The following LRRC69 variants were observed in gnomAD, a reference collection of about 807,000 sequenced individuals.
LRRC69 encodes leucine-rich repeat-containing protein 69.
Under a neutral mutation model 37.8 loss-of-function variants are expected in LRRC69, and 42 were observed. The ratio of observed to expected loss-of-function variants is 1.11; its 90% CI spans 0.87 to 1.44. The LOEUF is 1.44. Ranked by LOEUF, LRRC69 falls within the 40% of genes most tolerant of loss-of-function variation. The probability of loss-of-function intolerance (pLI) is 0.00; values close to 1 mark genes in which losing one functional copy is unlikely to be tolerated. For missense variants in LRRC69, 357 were observed against 401.9 expected (o/e 0.89, Z 0.96); for synonymous variants, 141 against 143.1 (o/e 0.99, Z 0.11).
chr8:91,174,921 A>G lies in LRRC69; in HGVS notation c.652-14601A>G, dbSNP rs1056180259. Among the ~76,000 whole-genome samples the G allele has an allele frequency of 3.9e-5, 6 of 152,266 alleles. No individual in the cohort carries two copies. In the East Asian group the frequency reaches 1.2e-3, roughly 29 times the overall value. On this transcript the variant is annotated intron_variant, in intron 5 of 7. Transcript: ENST00000448384. ...TGAAAAGACTGTTTTTAAGGAATAA[A>G]TGACTAAGGATTGGGAGTCTTAGAT...
intron 6 of LRRC69, among the ~76,000 whole-genome samples, chr8:91,195,734 G>T (rs1485587649): frequency 6.6e-6 from 1 of 152,074 alleles, no homozygotes; most frequent in Non-Finnish European, 1.5e-5. Context: ...GAGCCTATGT[G>T]TGTCTCTGCA....
chr8:91,153,903 C>CA (rs1032088841), intron 5 of LRRC69, among the ~76,000 whole-genome samples: 12 of 150,622 alleles, frequency 8.0e-5, no homozygotes, highest in East Asian at 1.9e-4. Context: ...AAAAATCCTT[C>CA]AAAAAAAATC....
intron 5 of LRRC69, among the ~76,000 whole-genome samples, chr8:91,174,497 A>G (rs920032248): frequency 2.0e-5 from 3 of 152,212 alleles, no homozygotes; most frequent in Admixed American, 2.0e-4. Flanking sequence ...TGCAGTCTCC[A>G]TCATGAATCT....
At chr8:91,182,850 A>G (rs559484477) in intron 5 of LRRC69, among the ~76,000 whole-genome samples, 4 of 152,380 alleles carry the variant, frequency 2.6e-5, no homozygotes, top group African/African-American at 9.6e-5. Context: ...TTTTAAATGT[A>G]TAATTACAAA....
At chr8:91,117,217 A>G (rs774462722) in intron 1 of LRRC69, among the ~76,000 whole-genome samples, 1 of 152,080 alleles carries the variant, frequency 6.6e-6, no homozygotes, top group Non-Finnish European at 1.5e-5. Flanking sequence ...ACAATCTAGT[A>G]GGATTGAATA....
intron 5 of LRRC69, among the ~76,000 whole-genome samples, chr8:91,163,221 G>A (rs1808975374): frequency 1.3e-5 from 2 of 151,106 alleles, no homozygotes; most frequent in African/African-American, 4.8e-5. Flanking sequence ...ACTTACCACT[G>A]TAATAAATAC....
intron 5 of LRRC69, among the ~76,000 whole-genome samples, chr8:91,177,925 G>A (rs887782449): frequency 3.4e-5 from 5 of 147,006 alleles, no homozygotes; most frequent in African/African-American, 5.1e-5. Context: ...CTCGGCTCAC[G>A]GTACGCTCCG....
intron 6 of LRRC69, among the ~76,000 whole-genome samples, chr8:91,194,106 T>TTA (rs1809550850): frequency 4.3e-3 from 1 of 234 alleles, no homozygotes; most frequent in Non-Finnish European, 0.062. Context: ...ATTGAGATAA[T>TTA]CGTGGTTTTT....
intron 6 of LRRC69, among the ~76,000 whole-genome samples, chr8:91,196,368 T>A (rs1043682781): frequency 2.0e-5 from 3 of 151,862 alleles, no homozygotes; most frequent in Non-Finnish European, 2.9e-5. Context: ...GTTCTCTGTA[T>A]TTCCTGAATC....
intron 5 of LRRC69, among the ~76,000 whole-genome samples, chr8:91,146,363 C>T (rs750274077): frequency 1.3e-4 from 20 of 151,772 alleles, no homozygotes; most frequent in Non-Finnish European, 2.5e-4. Flanking sequence ...GCTGGAACTT[C>T]TGTGTTTTTA....
chr8:91,148,204 G>T (rs1808658470), intron 5 of LRRC69, among the ~76,000 whole-genome samples: 1 of 151,462 alleles, frequency 6.6e-6, no homozygotes, highest in Non-Finnish European at 1.5e-5. Flanking sequence ...TTAACATTAG[G>T]TATATCTCCT....
chr8:91,151,196 C>G (rs1430249910), intron 5 of LRRC69, among the ~76,000 whole-genome samples: 4 of 151,386 alleles, frequency 2.6e-5, no homozygotes, highest in African/African-American at 4.8e-5. Flanking sequence ...AATTTTGGAT[C>G]TTTCCTGCTT....
chr8:91,109,050 A>G (rs769559547), intron 1 of LRRC69, among the ~76,000 whole-genome samples: 3 of 151,930 alleles, frequency 2.0e-5, no homozygotes, highest in African/African-American at 7.2e-5. Context: ...TTCTCCATCA[A>G]TTAGGTAATG....
intron 5 of LRRC69, among the ~76,000 whole-genome samples, chr8:91,181,772 G>A (rs1212697584): frequency 6.6e-6 from 1 of 152,096 alleles, no homozygotes; most frequent in Non-Finnish European, 1.5e-5. Flanking sequence ...ATGGAATTAG[G>A]CATATGATTT....
At chr8:91,202,446 A>G (rs908695583) in intron 7 of LRRC69, among the ~76,000 whole-genome samples, 1 of 152,182 alleles carries the variant, frequency 6.6e-6, no homozygotes, top group Non-Finnish European at 1.5e-5. Flanking sequence ...GGGTTTCACA[A>G]GGAAGAGTAT....
At chr8:91,176,115 CATAT>C (rs1220622429) in intron 5 of LRRC69, among the ~76,000 whole-genome samples, 4 of 102,332 alleles carry the variant, frequency 3.9e-5, no homozygotes, top group East Asian at 2.7e-4. Flanking sequence ...CACCATCCCT[CATAT>C]ATATATATAT....
At chr8:91,185,743 C>T (rs941830301) in intron 5 of LRRC69, among the ~76,000 whole-genome samples, 1 of 151,656 alleles carries the variant, frequency 6.6e-6, no homozygotes, top group Non-Finnish European at 1.5e-5. Context: ...CCTTAGCCCC[C>T]ACACTTGAAT....
chr8:91,152,386 A>T (rs941115123), intron 5 of LRRC69, among the ~76,000 whole-genome samples: 1 of 151,652 alleles, frequency 6.6e-6, no homozygotes, highest in African/African-American at 2.4e-5. Context: ...TAAATAGGGA[A>T]TACTTTCCCC....
chr8:91,122,368 A>G (rs138923515), intron 1 of LRRC69, among the ~76,000 whole-genome samples: 2 of 152,184 alleles, frequency 1.3e-5, no homozygotes, highest in African/African-American at 4.8e-5. Flanking sequence ...ACCGAAGGGC[A>G]GGCATGGTTA....
Sources: gnomAD v4.1 joint callset for allele counts (sites outside exome capture counted in the v4.1 genomes callset) on GRCh38, gnomAD v4.1.1 for gene constraint, MANE v1.5 for transcripts, NCBI Gene and HGNC (gene_info 2026-07-23, HGNC 2026-07-21) for gene names.